Variants in DLG2 observed in about 807,000 individuals in gnomAD.
DLG2 encodes disks large homolog 2.
Under a neutral mutation model 132.5 loss-of-function variants are expected in DLG2, and 45 were observed. That is an observed-to-expected ratio of 0.34 (90% CI 0.27 to 0.44). DLG2 has a LOEUF of 0.44. DLG2 is among the 20% of genes least tolerant of loss of function. The pLI, the probability that DLG2 is intolerant of heterozygous loss-of-function variation, is 1.00. For missense variants in DLG2, 1,045 were observed against 1,196.9 expected, an observed-to-expected ratio of 0.87 and a Z score of 1.87; for synonymous variants, 424 against 419.6, an observed-to-expected ratio of 1.01 and a Z score of -0.13.
chr11:84,318,688 C>G (rs1292620695), intron 7 of DLG2, among the ~76,000 whole-genome samples: 2 of 152,172 alleles, frequency 1.3e-5, no homozygotes, highest in East Asian at 3.8e-4. Flanking sequence ...TATAAGGGTA[C>G]TTTTCCAAAT....
At chr11:84,503,350 T>G (rs535822494) in intron 7 of DLG2, among the ~76,000 whole-genome samples, 1 of 152,306 alleles carries the variant, frequency 6.6e-6, no homozygotes, top group South Asian at 2.1e-4. Context: ...ATAATAAATG[T>G]CCCTAGATTA....
chr11:84,262,629 C>T (rs1196782719), intron 7 of DLG2, among the ~76,000 whole-genome samples: 3 of 152,008 alleles, frequency 2.0e-5, no homozygotes, highest in South Asian at 2.1e-4. Context: ...ACGCATCACT[C>T]GAGCAGTATA....
chr11:84,141,935 T>A (rs1404724761), intron 9 of DLG2, among the ~76,000 whole-genome samples: 2 of 152,142 alleles, frequency 1.3e-5, no homozygotes, highest in East Asian at 1.9e-4. Flanking sequence ...AATTTGTATA[T>A]TTAACTTTTT....
intron 18 of DLG2, among the ~76,000 whole-genome samples, chr11:83,761,893 C>T (rs138294164): frequency 7.9e-5 from 12 of 152,218 alleles, no homozygotes; most frequent in African/African-American, 2.6e-4. Context: ...GAGGTCTTTC[C>T]CTTCCAGTTC....
intron 7 of DLG2, among the ~76,000 whole-genome samples, chr11:84,488,591 T>C (rs1026684921): frequency 2.6e-4 from 40 of 152,066 alleles, no homozygotes; most frequent in African/African-American, 9.7e-4. Flanking sequence ...GCATTTTCCA[T>C]AGTTAAGGAC....
At chr11:84,328,850 A>G (rs2098445592) in intron 7 of DLG2, among the ~76,000 whole-genome samples, 1 of 152,278 alleles carries the variant, frequency 6.6e-6, no homozygotes, top group East Asian at 1.9e-4. Flanking sequence ...TCCAATTCAC[A>G]TTTAATTAAC....
intron 11 of DLG2, among the ~76,000 whole-genome samples, chr11:84,007,862 G>A (rs751294571): frequency 6.6e-6 from 1 of 151,718 alleles, no homozygotes; most frequent in Non-Finnish European, 1.5e-5. Flanking sequence ...TAATATCACA[G>A]TGAGAATTAA....
At chr11:83,508,256 T>C (rs2094831400) in intron 21 of DLG2, among the ~76,000 whole-genome samples, 1 of 151,690 alleles carries the variant, frequency 6.6e-6, no homozygotes, top group Non-Finnish European at 1.5e-5. Context: ...TTTTTTTTTT[T>C]TTTTGAGACA....
At chr11:85,318,358 T>C (rs904481281) in intron 3 of DLG2, among the ~76,000 whole-genome samples, 1 of 151,810 alleles carries the variant, frequency 6.6e-6, no homozygotes, top group Non-Finnish European at 1.5e-5. Context: ...GATCAATGTT[T>C]ATCAAGTTCT....
At chr11:85,220,833 C>A (rs1257380883) in intron 4 of DLG2, among the ~76,000 whole-genome samples, 4 of 151,726 alleles carry the variant, frequency 2.6e-5, no homozygotes. Context: ...AAAATACTTT[C>A]TATTTTACCA....
chr11:85,493,199 T>C (rs537236877), intron 3 of DLG2, among the ~76,000 whole-genome samples: 2 of 152,270 alleles, frequency 1.3e-5, no homozygotes, highest in African/African-American at 2.4e-5. Flanking sequence ...TGAGGTGCAA[T>C]GTATTAGATT....
At chr11:85,600,861 G>A (rs939530275) in intron 2 of DLG2, among the ~76,000 whole-genome samples, 9 of 152,056 alleles carry the variant, frequency 5.9e-5, no homozygotes, top group Non-Finnish European at 1.2e-4. Context: ...TTTAACTTGC[G>A]CTTAAATTAT....
chr11:84,676,660 C>A (rs2099711766), intron 6 of DLG2, among the ~76,000 whole-genome samples: 2 of 152,014 alleles, frequency 1.3e-5, no homozygotes, highest in Admixed American at 6.6e-5. Context: ...GCAACGTGTA[C>A]CTGATTCTGT....
chr11:85,435,365 T>C (rs1426657645), intron 3 of DLG2, among the ~76,000 whole-genome samples: 1 of 152,110 alleles, frequency 6.6e-6, no homozygotes, highest in Non-Finnish European at 1.5e-5. Flanking sequence ...GAGAGGGAAG[T>C]CAAATTGTCG....
At chr11:85,554,649 A>G (rs1306993594) in intron 3 of DLG2, among the ~76,000 whole-genome samples, 2 of 151,878 alleles carry the variant, frequency 1.3e-5, no homozygotes, top group Non-Finnish European at 1.5e-5. Flanking sequence ...TTGTAAAACT[A>G]ATGAAAGCCC....
At position 84,484,712 on chromosome 11, in the gene DLG2, A is replaced by C. The variant is rs181363487; in HGVS notation, c.519+49858T>G. On this transcript the variant is annotated intron_variant, in intron 7 of 27. Transcript: ENST00000376104. Reference sequence around the variant, plus strand: ...CAAATTAAGAGTTTTTGAACTTGCAAAATAAAAAGCTTGATCCTGGAGCTT... The same window carrying C: ...CAAATTAAGAGTTTTTGAACTTGCACAATAAAAAGCTTGATCCTGGAGCTT... Among the ~76,000 whole-genome samples, 1,087 of 152,260 alleles carry C rather than the reference A, an allele frequency of 7.1e-3. 14 individuals are homozygous for C. Among genetic ancestry groups the C allele is most frequent in the African/African-American group, 0.023 (976 of 41,550 alleles).
intron 11 of DLG2, among the ~76,000 whole-genome samples, chr11:84,058,100 A>T (rs1255258270): frequency 6.6e-6 from 1 of 151,936 alleles, no homozygotes; most frequent in Admixed American, 6.6e-5. Context: ...CAGTCCTGAG[A>T]TCTTAAATAC....
chr11:85,155,566 A>C (rs1052286425), intron 4 of DLG2, among the ~76,000 whole-genome samples: 1 of 152,112 alleles, frequency 6.6e-6, no homozygotes, highest in Admixed American at 6.6e-5. Context: ...GTTCAACTGC[A>C]TAATAAGGAT....
At chr11:84,693,101 T>A (rs1014825666) in intron 6 of DLG2, among the ~76,000 whole-genome samples, 1 of 151,792 alleles carries the variant, frequency 6.6e-6, no homozygotes, top group Non-Finnish European at 1.5e-5. Flanking sequence ...TCTCAAATGG[T>A]CTGTGAATCA....
Sources: allele counts gnomAD v4.1 joint callset (sites outside exome capture counted in the v4.1 genomes callset), GRCh38; gene constraint gnomAD v4.1.1; transcripts MANE v1.5; gene names NCBI Gene and HGNC (gene_info 2026-07-23, HGNC 2026-07-21).